DNAAF4: variants seen among roughly 807,000 people sequenced by gnomAD.
DNAAF4 encodes dynein assembly factor 4, axonemal.
DNAAF4 carries 43 observed loss-of-function variants against 51.8 expected under a neutral mutation model. The observed-to-expected ratio is 0.83, with a 90% CI of 0.65 to 1.07. The LOEUF (loss-of-function observed/expected upper bound fraction) is 1.07, where lower values mean the gene tolerates loss of function less well. DNAAF4 is among the 50% of genes least tolerant of loss of function. DNAAF4 has a pLI of 0.00. For missense variants in DNAAF4, 581 were observed against 493.0 expected, an observed-to-expected ratio of 1.18 and a Z score of -1.69; for synonymous variants, 194 against 165.6, an observed-to-expected ratio of 1.17 and a Z score of -1.32.
intron 3 of DNAAF4, among the ~76,000 whole-genome samples, chr15:55,494,738 T>G (rs1407865186): frequency 6.6e-6 from 1 of 152,110 alleles, no homozygotes; most frequent in African/African-American, 2.4e-5. Context: ...CTGTTTTGAT[T>G]TGTCTAAATC....
intron 6 of DNAAF4, among the ~76,000 whole-genome samples, chr15:55,441,542 T>A (rs562951535): frequency 5.9e-5 from 9 of 152,190 alleles, no homozygotes; most frequent in East Asian, 5.8e-4. Flanking sequence ...TAGGTGTATC[T>A]CCTAATGCTA....
At chr15:55,470,264 C>A (rs577703695) in intron 4 of DNAAF4, among the ~76,000 whole-genome samples, 1 of 152,078 alleles carries the variant, frequency 6.6e-6, no homozygotes, top group East Asian at 1.9e-4. Flanking sequence ...GTTGGCCAGG[C>A]TGATCTTGAA....
rs139691392 is a variant in DNAAF4 at position 55,475,524 on chromosome 15, T to C, written c.406-8363A>G. ...TCCAAAATGCTTGGAACTAGAAGTGTTTCAGATTTTGGATTTTTTTCAGAT... is the reference window on the plus strand; with the variant it reads ...TCCAAAATGCTTGGAACTAGAAGTGCTTCAGATTTTGGATTTTTTTCAGAT... On this transcript the variant is annotated intron_variant, in intron 4 of 9. Transcript: ENST00000321149. Among the ~76,000 whole-genome samples the C allele has an allele frequency of 1.5e-3, 227 of 152,248 alleles. 1 individual carries two copies. Among genetic ancestry groups the C allele is most frequent in the Admixed American group, 3.7e-3 (57 of 15,282 alleles).
At position 55,466,919 on chromosome 15, in the gene DNAAF4, A is replaced by C. The variant is rs999867806; in HGVS notation, c.637+11T>G. On this transcript the variant is annotated intron_variant, in intron 5 of 9. Transcript: ENST00000321149. ...AGGACTCACTACTCAAGAAATTCTTAATCATTTTACCTTTTGGAGCAAGAT... is the reference window on the plus strand; with the variant it reads ...AGGACTCACTACTCAAGAAATTCTTCATCATTTTACCTTTTGGAGCAAGAT... The C allele has an allele frequency of 1.3e-6, 2 of 1,581,328 alleles. No homozygotes were observed. Among genetic ancestry groups the C allele is most frequent in the African/African-American group, 2.8e-5 (2 of 72,666 alleles).
At chr15:55,422,723 T>G (rs2057398502) in intron 7 of DNAAF4, among the ~76,000 whole-genome samples, 1 of 152,070 alleles carries the variant, frequency 6.6e-6, no homozygotes, top group Non-Finnish European at 1.5e-5. Flanking sequence ...AAGGCCAGGC[T>G]CGAAGGCTCA....
chr15:55,469,985 C>T (rs185953739), intron 4 of DNAAF4, among the ~76,000 whole-genome samples: 181 of 152,268 alleles, frequency 1.2e-3, no homozygotes, highest in African/African-American at 4.2e-3. Context: ...CTACAACCCC[C>T]TCCTCAGGTT....
In DNAAF4 at chr15:55,499,224, C is replaced by T. The variant is rs569474607; in HGVS notation, c.-255-640G>A. Among the ~76,000 whole-genome samples the T allele has an allele frequency of 5.9e-5, 9 of 152,266 alleles. No homozygotes were observed. In the South Asian group the frequency reaches 8.3e-4, roughly 14 times the overall value. On this transcript the variant is annotated intron_variant, in intron 1 of 9. Coordinates refer to ENST00000321149, the MANE Select transcript of DNAAF4 (RefSeq NM_130810.4). ...TGGGTCTAAATTTAAAATAGAGACA[C>T]GTGGTCATTTACCTACTAGAGGTCA...
intron 6 of DNAAF4, among the ~76,000 whole-genome samples, chr15:55,447,732 C>A (rs1253445128): frequency 6.8e-6 from 1 of 147,124 alleles, no homozygotes. Context: ...GAGCCGAGAT[C>A]ACGGCAGTAC....
chr15:55,467,347 G>A (rs1490625624), intron 4 of DNAAF4, among the ~76,000 whole-genome samples, 186 bp from the exon 5 acceptor site: 1 of 152,060 alleles, frequency 6.6e-6, no homozygotes, highest in Non-Finnish European at 1.5e-5. Flanking sequence ...AAAACCATTG[G>A]TGTTGGAGTC....
intron 4 of DNAAF4, among the ~76,000 whole-genome samples, chr15:55,468,915 A>G (rs1213159048): frequency 6.6e-6 from 1 of 152,222 alleles, no homozygotes; most frequent in African/African-American, 2.4e-5. Flanking sequence ...AAGAGGAGAA[A>G]CCAAGAAAGG....
chr15:55,479,726 C>T (rs560899360), intron 4 of DNAAF4, among the ~76,000 whole-genome samples: 10 of 152,092 alleles, frequency 6.6e-5, no homozygotes, highest in South Asian at 4.2e-4. Flanking sequence ...TGTTCCTAGG[C>T]GGAGGTCTAT....
At chr15:55,486,638 G>C (rs1262584499) in intron 4 of DNAAF4, among the ~76,000 whole-genome samples, 2 of 152,046 alleles carry the variant, frequency 1.3e-5, no homozygotes, top group African/African-American at 2.4e-5. Context: ...AAAAAAATTA[G>C]CAGGGCATGG....
chr15:55,450,971 C>T (rs1388480411), intron 5 of DNAAF4, among the ~76,000 whole-genome samples: 1 of 152,108 alleles, frequency 6.6e-6, no homozygotes, highest in African/African-American at 2.4e-5. Context: ...GTGGCACATA[C>T]CTATAATCCC....
intron 4 of DNAAF4, among the ~76,000 whole-genome samples, chr15:55,476,710 CA>C (rs1488051169): frequency 6.6e-6 from 1 of 151,804 alleles, no homozygotes; most frequent in Non-Finnish European, 1.5e-5. Flanking sequence ...CACAAAAGGA[CA>C]AATATTGTAT....
rs923122591 is a variant in DNAAF4 at position 55,430,776 on chromosome 15, A to G, written c.1157T>C (p.Leu386Pro). 8 of 1,610,360 alleles carry G rather than the reference A, an allele frequency of 5.0e-6. No individual in the cohort carries two copies. The African/African-American group carries it at 5.3e-5, about 11-fold the overall frequency. Residue 386 changes from leucine to proline, a missense_variant, in exon 10 of 10, where the codon CTA becomes CCA. Leu to Pro is a moderately conservative substitution (Grantham distance 98, BLOSUM62 -3). Transcript: ENST00000321149. ...FCQLELYVEGLQDYEAALKID... is the reference protein window; with the variant it reads ...FCQLELYVEGPQDYEAALKID... ...CTTAAGTGCCGCTTCATAATCCTGT[A>G]GGCCTGTGTTTATATAGCAATGATG... is the stretch of plus-strand genomic sequence containing the variant.
intron 5 of DNAAF4, among the ~76,000 whole-genome samples, chr15:55,461,824 C>A (rs1273167521): frequency 6.6e-6 from 1 of 151,884 alleles, no homozygotes; most frequent in Non-Finnish European, 1.5e-5. Context: ...GAAAAAAATA[C>A]AAAAGAAAAA....
intron 6 of DNAAF4, among the ~76,000 whole-genome samples, chr15:55,442,077 C>T (rs1279169198): frequency 2.0e-5 from 3 of 152,094 alleles, no homozygotes; most frequent in Non-Finnish European, 2.9e-5. Flanking sequence ...TTCTCCAGTC[C>T]GCAGTGGAGC....
rs1281694492 is a variant in DNAAF4 at position 55,430,572 on chromosome 15, CAGAA to C, written c.*94_*97del. 7.0e-7 allele frequency: 1 copy of C among 1,432,370 alleles called. No homozygotes were observed. Among genetic ancestry groups the C allele is most frequent in the Non-Finnish European group, 9.2e-7 (1 of 1,092,716 alleles). The allele number at this position is 1,432,370 out of a possible 1,614,324, so 88.7% of individuals were successfully genotyped here. ...CCCTCAACAGAACTAAAGTACTAAACAGAAAGCGATTCTGTACAACTGGCCATAA... is the reference window on the plus strand; with the variant it reads ...CCCTCAACAGAACTAAAGTACTAAACAGCGATTCTGTACAACTGGCCATAA... On this transcript the variant is annotated 3_prime_UTR_variant, in exon 10 of 10. Coordinates refer to ENST00000321149, the MANE Select transcript of DNAAF4 (RefSeq NM_130810.4).
rs1820145035 is a variant in DNAAF4, at chr15:55,498,593, G to GGAAAAAAAAAAAAAA, written c.-255-10_-255-9insTTTTTTTTTTTTTTC. The GGAAAAAAAAAAAAAA allele has an allele frequency of 2.7e-5, 2 of 74,652 alleles. No individual in the cohort carries two copies. The highest frequency in any genetic ancestry group is 1.2e-4 in the African/African-American group (2 of 17,198). The allele number at this position is 74,652 out of a possible 1,614,324, so 4.6% of individuals were successfully genotyped here. On this transcript the variant is annotated splice_polypyrimidine_tract_variant and intron_variant, in intron 1 of 9. Transcript: ENST00000321149. ...AAGTAGACCCATACCCTCTGCTTGA[G>GGAAAAAAAAAAAAAA]AAAAAAAAAAAAAAAAAAAAGCACT... is the stretch of plus-strand genomic sequence containing the variant.
Sources: allele counts gnomAD v4.1 joint callset (sites outside exome capture counted in the v4.1 genomes callset), GRCh38; gene constraint gnomAD v4.1.1; transcripts MANE v1.5; gene names NCBI Gene and HGNC (gene_info 2026-07-23, HGNC 2026-07-21).